RAD51B: variants seen among roughly 807,000 people sequenced by gnomAD.
RAD51B encodes RAD51 paralog B, also known as DNA repair protein RAD51 homolog 2.
In RAD51B, 38 loss-of-function variants were observed where a neutral mutation model predicts 42.2. The ratio of observed to expected loss-of-function variants is 0.90; its 90% CI spans 0.70 to 1.18. RAD51B has a LOEUF of 1.18. Ranked by LOEUF, RAD51B falls within the 50% of genes most tolerant of loss-of-function variation. The pLI, the probability that RAD51B is intolerant of heterozygous loss-of-function variation, is 0.00. For missense variants in RAD51B, 373 were observed against 400.7 expected (o/e 0.93, Z 0.59); for synonymous variants, 154 against 145.2 (o/e 1.06, Z -0.43).
At chr14:67,971,747 G>T (rs1486369237) in intron 7 of RAD51B, among the ~76,000 whole-genome samples, 1 of 151,816 alleles carries the variant, frequency 6.6e-6, no homozygotes, top group Non-Finnish European at 1.5e-5. Context: ...GGGAATAGTT[G>T]GACGTTTATT....
chr14:68,351,314 T>C (rs971847622), intron 8 of RAD51B, among the ~76,000 whole-genome samples: 1 of 152,196 alleles, frequency 6.6e-6, no homozygotes, highest in Non-Finnish European at 1.5e-5. Flanking sequence ...TACTACTTTT[T>C]GTACCAAAAG....
chr14:68,306,686 T>C (rs752669500), intron 8 of RAD51B: 7 of 506,738 alleles, frequency 1.4e-5, no homozygotes, highest in Non-Finnish European at 2.8e-5. Flanking sequence ...TTGTGACAAG[T>C]GTGTATTGGA....
chr14:68,432,697 CTT>C (rs1439990392), intron 9 of RAD51B, among the ~76,000 whole-genome samples: 1 of 152,172 alleles, frequency 6.6e-6, no homozygotes, highest in Non-Finnish European at 1.5e-5. Context: ...GGTCTTGACT[CTT>C]TATCCAACTT....
At chr14:68,258,633 A>G (rs1274298637) in intron 7 of RAD51B, among the ~76,000 whole-genome samples, 1 of 152,044 alleles carries the variant, frequency 6.6e-6, no homozygotes, top group East Asian at 1.9e-4. Flanking sequence ...GTGTGTGCGT[A>G]TGTAAGGTAT....
At chr14:68,494,833 A>G (rs2140287869) in intron 10 of RAD51B, among the ~76,000 whole-genome samples, 1 of 152,170 alleles carries the variant, frequency 6.6e-6, no homozygotes, top group Admixed American at 6.5e-5. Context: ...TCCCAAGCCC[A>G]GCAAGCAGAG....
chr14:68,420,969 G>C (rs76131140), intron 9 of RAD51B, among the ~76,000 whole-genome samples: 1 of 152,216 alleles, frequency 6.6e-6, no homozygotes, highest in Non-Finnish European at 1.5e-5. Flanking sequence ...GCAATGAATG[G>C]TCCTTATTAT....
At chr14:68,598,886 G>T (rs895569543), downstream of RAD51B, among the ~76,000 whole-genome samples, 1 of 152,162 alleles carries the variant, frequency 6.6e-6, no homozygotes, top group Non-Finnish European at 1.5e-5. Flanking sequence ...GTTAAAGTCC[G>T]CTTTGAGAAA....
At chr14:68,568,204 A>G (rs1306365237) in intron 10 of RAD51B, among the ~76,000 whole-genome samples, 2 of 152,256 alleles carry the variant, frequency 1.3e-5, no homozygotes, top group South Asian at 4.1e-4. Context: ...ACAGATCACC[A>G]TAATACAATG....
rs1382452389 is a variant in RAD51B at position 68,584,257 on chromosome 14, GTC to G, written c.1037-10224_1037-10223del. Among the ~76,000 whole-genome samples, 11 of 152,228 alleles carry G rather than the reference GTC, an allele frequency of 7.2e-5. No individual in the cohort carries two copies. In the East Asian group the frequency reaches 2.1e-3, roughly 29 times the overall value. On this transcript the variant is annotated intron_variant, in intron 10 of 10. Coordinates refer to the RAD51B transcript ENST00000487270. ...TGGCAGAAAGGTGACAAAAGGACAC[GTC>G]TCTGGAGAGTCAGATCCCTCAGCTG...
chr14:68,359,444 A>G (rs902135029), intron 8 of RAD51B, among the ~76,000 whole-genome samples: 2 of 151,812 alleles, frequency 1.3e-5, no homozygotes, highest in African/African-American at 4.8e-5. Flanking sequence ...TGGAGGAGGG[A>G]GAATGAAAAC....
intron 7 of RAD51B, among the ~76,000 whole-genome samples, chr14:68,101,088 A>G (rs992045965): frequency 2.0e-5 from 3 of 152,160 alleles, no homozygotes. Context: ...AAACCATCAG[A>G]TCTCGTGACA....
intron 7 of RAD51B, among the ~76,000 whole-genome samples, chr14:67,948,342 A>G (rs928832342): frequency 1.3e-5 from 2 of 152,196 alleles, no homozygotes; most frequent in African/African-American, 4.8e-5. Context: ...CTACAAATAT[A>G]CAGTGAACTC....
chr14:68,119,995 T>G (rs185743226), intron 7 of RAD51B, among the ~76,000 whole-genome samples: 107 of 152,286 alleles, frequency 7.0e-4, no homozygotes, highest in African/African-American at 2.6e-3. Context: ...TTCCTGACTT[T>G]TTAATGATTG....
At chr14:68,303,605 A>G (rs553684621) in intron 8 of RAD51B, among the ~76,000 whole-genome samples, 24 of 152,300 alleles carry the variant, frequency 1.6e-4, no homozygotes, top group Admixed American at 9.2e-4. Context: ...CTTTGAGGCA[A>G]GTCACTTTGG....
chr14:67,835,613 A>G (rs2041216154), intron 4 of RAD51B, among the ~76,000 whole-genome samples: 1 of 151,556 alleles, frequency 6.6e-6, no homozygotes, highest in Admixed American at 6.6e-5. Context: ...ATAACATTAT[A>G]TATTTTATAT....
intron 4 of RAD51B, among the ~76,000 whole-genome samples, chr14:67,842,504 G>T (rs186284046): frequency 3.3e-5 from 5 of 152,128 alleles, no homozygotes; most frequent in Admixed American, 3.3e-4. Flanking sequence ...CAAGTAGCTG[G>T]GACTATAGGC....
At chr14:68,496,377 A>G (rs1021708881) in intron 10 of RAD51B, among the ~76,000 whole-genome samples, 14 of 152,154 alleles carry the variant, frequency 9.2e-5, no homozygotes, top group African/African-American at 3.4e-4. Context: ...TTCCCCAGAT[A>G]TGCCACCTGT....
chr14:67,847,814 G>GT (rs1382135126), intron 4 of RAD51B, among the ~76,000 whole-genome samples: 4 of 152,146 alleles, frequency 2.6e-5, no homozygotes, highest in Non-Finnish European at 1.5e-5. Context: ...CAAGTGTCAA[G>GT]TTTAAGTCCA....
chr14:68,256,085 A>C (rs1040882718), intron 7 of RAD51B, among the ~76,000 whole-genome samples: 16 of 152,340 alleles, frequency 1.1e-4, no homozygotes, highest in Admixed American at 5.2e-4. Context: ...TGGTCAGTGG[A>C]AGAAATATGT....
Sources: gnomAD v4.1 joint callset for allele counts (sites outside exome capture counted in the v4.1 genomes callset) on GRCh38, gnomAD v4.1.1 for gene constraint, MANE v1.5 for transcripts, NCBI Gene and HGNC (gene_info 2026-07-23, HGNC 2026-07-21) for gene names.